Variants in TGFB1 observed in about 807,000 individuals in gnomAD.
TGFB1 encodes transforming growth factor beta 1, also known as transforming growth factor beta-1 proprotein.
A neutral mutation model predicts 43.8 loss-of-function variants in TGFB1; 19 were observed. The observed-to-expected ratio is 0.43, with a 90% CI of 0.30 to 0.64. The LOEUF is 0.64. Among genes scored for constraint, TGFB1 ranks in the 30% least tolerant of loss-of-function variants. TGFB1 has a pLI of 0.11. For synonymous variants in TGFB1, 221 were observed against 236.3 expected, an observed-to-expected ratio of 0.94 and a Z score of 0.60; for missense variants, 445 against 529.8, an observed-to-expected ratio of 0.84 and a Z score of 1.57.
intron 3 of TGFB1, 111 bp from the exon 4 acceptor site, chr19:41,342,358 C>G: frequency 1.0e-6 from 1 of 1,000,570 alleles, no homozygotes; most frequent in African/African-American, 1.6e-5. Flanking sequence ...CTCCCCCACC[C>G]ACCCCACTCT....
At chr19:41,340,429 C>T (rs1255102847) in intron 5 of TGFB1, among the ~76,000 whole-genome samples, 1 of 151,760 alleles carries the variant, frequency 6.6e-6, no homozygotes, top group East Asian at 1.9e-4. Flanking sequence ...TTACAGGTGC[C>T]AGCCACCACA....
rs1173178122 is a variant in TGFB1, at chr19:41,345,403, A to AG, written c.517-540dup. ...TCGCCACTATTTGGGAGGCTGAGGC[A>AG]GGAGAATTGCTTGAGCCCGGGAGAC... On this transcript the variant is annotated intron_variant, in intron 2 of 6. Coordinates refer to ENST00000221930, the MANE Select transcript of TGFB1 (RefSeq NM_000660.7). Among the ~76,000 whole-genome samples, 12 of 152,128 alleles carry AG rather than the reference A, an allele frequency of 7.9e-5. No individual in the cohort carries two copies. In the East Asian group the frequency reaches 2.3e-3, roughly 30 times the overall value.
intron 2 of TGFB1, among the ~76,000 whole-genome samples, chr19:41,345,730 C>T (rs901997601): frequency 6.6e-6 from 1 of 151,508 alleles, no homozygotes; most frequent in South Asian, 2.1e-4. Context: ...AGTGAAACCT[C>T]GTCTCTACTA....
intron 2 of TGFB1, among the ~76,000 whole-genome samples, chr19:41,347,818 A>C: frequency 1.1e-5 from 1 of 87,854 alleles, no homozygotes; most frequent in African/African-American, 5.1e-5. Flanking sequence ...ACAGAGCAAG[A>C]CTCCATCTCA....
Position 41,332,215 on chromosome 19 carries a change from C to T in TGFB1, c.927G>A (p.Lys309=). 1.9e-6 allele frequency: 3 copies of T among 1,614,208 alleles called. No individual in the cohort carries two copies. The highest frequency in any genetic ancestry group is 1.7e-6 in the Non-Finnish European group (2 of 1,180,032). The change falls in exon 6 of 7, where the codon AAG becomes AAA. Residue 309 remains lysine, a synonymous_variant. Coordinates refer to ENST00000221930, the MANE Select transcript of TGFB1 (RefSeq NM_000660.7). ...YIDFRKDLGW[K]WIHEPKGYHA... is the part of the protein sequence containing the mutation. ...GGTAGCCCTTGGGCTCGTGGATCCACTTCCAGCCGAGGTCCTTGCGGAAGT... is the reference window on the plus strand; with the variant it reads ...GGTAGCCCTTGGGCTCGTGGATCCATTTCCAGCCGAGGTCCTTGCGGAAGT...
chr19:41,346,492 C>T (rs1413550016), intron 2 of TGFB1, among the ~76,000 whole-genome samples: 3 of 152,202 alleles, frequency 2.0e-5, no homozygotes, highest in African/African-American at 7.2e-5. Context: ...CTGAAATCTA[C>T]CATCCTATGA....
chr19:41,333,041 A>G (rs1334066336), intron 5 of TGFB1, among the ~76,000 whole-genome samples: 3 of 150,592 alleles, frequency 2.0e-5, no homozygotes, highest in African/African-American at 4.9e-5. Flanking sequence ...GCTGATCTCA[A>G]CTCCCTCTCT....
At chr19:41,343,801 C>A (rs535677851) in intron 3 of TGFB1, among the ~76,000 whole-genome samples, 67 of 142,250 alleles carry the variant, frequency 4.7e-4, no homozygotes, top group African/African-American at 1.8e-3. Flanking sequence ...CAGCAGGAAC[C>A]TGTGGGCAAT....
At chr19:41,345,048 G>A (rs138064746) in intron 2 of TGFB1, among the ~76,000 whole-genome samples, 184 bp from the exon 3 acceptor site, 55 of 152,182 alleles carry the variant, frequency 3.6e-4, no homozygotes, top group Non-Finnish European at 7.2e-4. Context: ...CAGTACCCAT[G>A]AGAGGAGGGG....
chr19:41,331,045 C>T lies in TGFB1; in HGVS notation c.*7G>A. 1 of 1,255,624 alleles carries T rather than the reference C, an allele frequency of 8.0e-7. No homozygotes were observed. Among genetic ancestry groups the T allele is most frequent in the South Asian group, 1.3e-5 (1 of 79,164 alleles). 77.8% of individuals were successfully genotyped at this position (1,255,624 alleles called of 1,614,324 possible). ...CCTGCCGGGGCGGGGCGGGGCGGGG[C>T]GGGACCTCAGCTGCACTTGCAGGAG... is the stretch of plus-strand genomic sequence containing the variant. On this transcript the variant is annotated 3_prime_UTR_variant, in exon 7 of 7. Coordinates refer to ENST00000221930, the MANE Select transcript of TGFB1 (RefSeq NM_000660.7).
intron 1 of TGFB1, among the ~76,000 whole-genome samples, chr19:41,351,858 C>T (rs1222338171): frequency 6.6e-6 from 1 of 151,908 alleles, no homozygotes; most frequent in Non-Finnish European, 1.5e-5. Flanking sequence ...ACCACCTTTC[C>T]CACGCCTGTC....
In TGFB1 at chr19:41,353,093, T is replaced by C. The variant is rs1599899319; in HGVS notation, c.-49A>G. 1 of 1,462,434 alleles carries C rather than the reference T, an allele frequency of 6.8e-7. No individual in the cohort carries two copies. The highest frequency in any genetic ancestry group is 2.6e-5 in the East Asian group (1 of 38,868). 90.6% of individuals were successfully genotyped at this position (1,462,434 alleles called of 1,614,324 possible). On this transcript the variant is annotated 5_prime_UTR_variant, in exon 1 of 7. Coordinates refer to ENST00000221930, the MANE Select transcript of TGFB1 (RefSeq NM_000660.7). This position sits in a 1 kb window ranked among gnomAD's most constrained non-coding sequence, Gnocchi z 5.9. ...CTGCCGAGAGCGCGAACAGGGCTGG[T>C]GTGGTGGGGAGGCCCCGCCCCTGCA...
In TGFB1 at chr19:41,330,748, T is replaced by C. The variant is rs2037919402; in HGVS notation, c.*304A>G. ...GTGCCCAAGGTGCTCAATAAATAGA[T>C]CTAACTACAGTAGTGTTCCCCACTG... On this transcript the variant is annotated 3_prime_UTR_variant, in exon 7 of 7. Coordinates refer to ENST00000221930, the MANE Select transcript of TGFB1 (RefSeq NM_000660.7). The C allele has an allele frequency of 2.8e-6, 1 of 356,810 alleles. No individual in the cohort carries two copies. The highest frequency in any genetic ancestry group is 2.2e-5 in the African/African-American group (1 of 45,754). 22.1% of individuals were successfully genotyped at this position (356,810 alleles called of 1,614,324 possible).
At chr19:41,348,685 G>A (rs529729756) in intron 1 of TGFB1, among the ~76,000 whole-genome samples, 23 of 150,464 alleles carry the variant, frequency 1.5e-4, no homozygotes, top group Admixed American at 1.1e-3. Flanking sequence ...GTGCAGTGGC[G>A]CAATCTCTGC....
intron 2 of TGFB1, among the ~76,000 whole-genome samples, chr19:41,346,722 T>G (rs956567360): frequency 2.6e-5 from 4 of 152,088 alleles, no homozygotes; most frequent in African/African-American, 9.7e-5. Flanking sequence ...AATGAGGATT[T>G]CTTTTTCATT....
At chr19:41,331,963 C>T (rs2037936624) in intron 6 of TGFB1, 165 bp downstream of exon 6, 1 of 963,164 alleles carries the variant, frequency 1.0e-6, no homozygotes, top group Admixed American at 2.6e-5. Context: ...TCTCTAGCTT[C>T]CTGCCTCTCT....
At chr19:41,333,298 C>G (rs1306305238) in intron 5 of TGFB1, among the ~76,000 whole-genome samples, 1 of 149,634 alleles carries the variant, frequency 6.7e-6, no homozygotes. Flanking sequence ...CTGCAACCTC[C>G]GCCTCCCAGG....
In TGFB1 at chr19:41,331,226, G is replaced by C; in HGVS notation, c.1015-16C>G. ...GGGCCAGGACCTGCGGGCGGCGGGCGGGGTCAGGGCTCAGGGCTCGTGGAG... is the reference window on the plus strand; with the variant it reads ...GGGCCAGGACCTGCGGGCGGCGGGCCGGGTCAGGGCTCAGGGCTCGTGGAG... On this transcript the variant is annotated splice_polypyrimidine_tract_variant and intron_variant, in intron 6 of 6. Coordinates refer to ENST00000221930, the MANE Select transcript of TGFB1 (RefSeq NM_000660.7). 6.6e-7 allele frequency: 1 copy of C among 1,506,228 alleles called. No homozygotes were observed. 93.3% of individuals were successfully genotyped at this position (1,506,228 alleles called of 1,614,324 possible).
chr19:41,346,871 G>A (rs948688469), intron 2 of TGFB1, among the ~76,000 whole-genome samples: 12 of 150,686 alleles, frequency 8.0e-5, no homozygotes, highest in South Asian at 2.1e-4. Flanking sequence ...GATTACAGGT[G>A]CCTGCCACCA....
Sources: allele counts gnomAD v4.1 joint callset (sites outside exome capture counted in the v4.1 genomes callset), GRCh38; gene constraint gnomAD v4.1.1; non-coding constraint Gnocchi (gnomAD v3.1); transcripts MANE v1.5; gene names NCBI Gene and HGNC (gene_info 2026-07-23, HGNC 2026-07-21).